TPH1: variants seen among roughly 807,000 people sequenced by gnomAD.
TPH1 encodes tryptophan hydroxylase 1.
Under a neutral mutation model 49.5 loss-of-function variants are expected in TPH1, and 37 were observed. The ratio of observed to expected loss-of-function variants is 0.75; its 90% CI spans 0.58 to 0.98. The LOEUF (loss-of-function observed/expected upper bound fraction) is 0.98. Ranked by LOEUF, TPH1 falls within the 50% of genes least tolerant of loss-of-function variation. The pLI, the probability that TPH1 is intolerant of heterozygous loss-of-function variation, is 0.00. For synonymous variants in TPH1, 160 were observed against 182.1 expected (o/e 0.88, Z 0.98); for missense variants, 487 against 523.6 (o/e 0.93, Z 0.68).
chr11:18,032,019 G>T (rs1847995487), intron 4 of TPH1, among the ~76,000 whole-genome samples: 1 of 151,848 alleles, frequency 6.6e-6, no homozygotes, highest in African/African-American at 2.4e-5. Context: ...GCAATTAATT[G>T]CAATAGTTAT....
intron 1 of TPH1, among the ~76,000 whole-genome samples, chr11:18,042,745 A>G (rs1393265286): frequency 6.6e-6 from 1 of 152,236 alleles, no homozygotes; most frequent in Non-Finnish European, 1.5e-5. Context: ...TTTCAAAAAA[A>G]GAGAAAATGT....
chr11:18,024,861 A>T (rs1847912553), intron 8 of TPH1, among the ~76,000 whole-genome samples: 1 of 152,160 alleles, frequency 6.6e-6, no homozygotes, highest in Non-Finnish European at 1.5e-5. Flanking sequence ...AGACACACCA[A>T]GCACCACCTT....
intron 3 of TPH1, among the ~76,000 whole-genome samples, chr11:18,034,129 T>C (rs765206192): frequency 6.6e-5 from 10 of 152,246 alleles, no homozygotes; most frequent in Non-Finnish European, 1.5e-4. Context: ...TGGAAACAAC[T>C]GTAGGGTGGA....
At chr11:18,028,392 C>G (rs947062744) in intron 6 of TPH1, among the ~76,000 whole-genome samples, 3 of 152,178 alleles carry the variant, frequency 2.0e-5, no homozygotes, top group Admixed American at 6.5e-5. Flanking sequence ...GAGGAACTAA[C>G]CATCTCATCA....
chr11:18,033,484 T>A (rs1266283370), intron 3 of TPH1, 110 bp from the exon 4 acceptor site: 2 of 875,744 alleles, frequency 2.3e-6, no homozygotes, highest in African/African-American at 3.4e-5. Context: ...AGAGTTTTAA[T>A]TTTAGCTTGT....
chr11:18,027,798 T>C (rs1847944678), intron 6 of TPH1, among the ~76,000 whole-genome samples: 1 of 152,258 alleles, frequency 6.6e-6, no homozygotes, highest in Admixed American at 6.5e-5. Flanking sequence ...TTCTCTATCA[T>C]CCTTAATCAC....
At chr11:18,032,805 C>G (rs1343326340) in intron 4 of TPH1, among the ~76,000 whole-genome samples, 2 of 152,012 alleles carry the variant, frequency 1.3e-5, no homozygotes, top group Non-Finnish European at 2.9e-5. Context: ...ATCGGCCTCC[C>G]AAAGTGCTGG....
At chr11:18,040,810 T>C (rs1213484417) in intron 1 of TPH1, 22 bp from the exon 2 acceptor site, 1 of 1,598,320 alleles carries the variant, frequency 6.3e-7, no homozygotes, top group Non-Finnish European at 8.5e-7. Flanking sequence ...AAACAAAGAC[T>C]ACGGGCTAAA....
In TPH1 at chr11:18,029,531, A is replaced by G. The variant is rs772766512; in HGVS notation, c.451T>C (p.Leu151=). Residue 151 remains leucine (L), a synonymous_variant, in exon 5 of 11, where the codon TTG becomes CTG. Coordinates refer to ENST00000682019, the MANE Select transcript of TPH1 (RefSeq NM_004179.3). ...ACTTACTGTTTATAGTTCATAGCCA[A>G]GTCCGCAAAATACTTTCGACGTTTA... is the stretch of plus-strand genomic sequence containing the variant. ...YRKRRKYFAD[L]AMNYKHGDPI... 5 of 1,612,970 alleles carry G rather than the reference A, an allele frequency of 3.1e-6. No homozygotes were observed. Among genetic ancestry groups the G allele is most frequent in the Non-Finnish European group, 3.4e-6 (4 of 1,179,276 alleles).
intron 4 of TPH1, among the ~76,000 whole-genome samples, chr11:18,032,302 G>C (rs539440298): frequency 2.0e-5 from 3 of 152,172 alleles, no homozygotes; most frequent in Admixed American, 1.3e-4. Flanking sequence ...GCAGTGTGGG[G>C]GGCAAGTCTT....
At chr11:18,046,124 G>C (rs943654898) in intron 1 of TPH1, among the ~76,000 whole-genome samples, 117 bp downstream of exon 1, 1 of 152,158 alleles carries the variant, frequency 6.6e-6, no homozygotes, top group Non-Finnish European at 1.5e-5. Context: ...ATCTGACTCC[G>C]CAAGACCACC....
chr11:18,035,343 A>G (rs1412896921), intron 3 of TPH1, among the ~76,000 whole-genome samples: 1 of 152,116 alleles, frequency 6.6e-6, no homozygotes, highest in Middle Eastern at 3.2e-3. Context: ...ATTTCTGATT[A>G]TGCCAAATTG....
chr11:18,038,320 C>T (rs1450513887), intron 2 of TPH1, among the ~76,000 whole-genome samples: 1 of 152,174 alleles, frequency 6.6e-6, no homozygotes, highest in Non-Finnish European at 1.5e-5. Flanking sequence ...GGTGGAGACA[C>T]ACCCAGAGAA....
intron 4 of TPH1, among the ~76,000 whole-genome samples, chr11:18,031,100 T>C (rs1847985247): frequency 6.6e-6 from 1 of 152,194 alleles, no homozygotes. Flanking sequence ...ACCATGCTCA[T>C]TAGCAATCAC....
intron 8 of TPH1, among the ~76,000 whole-genome samples, chr11:18,025,177 T>C (rs926345594): frequency 1.3e-5 from 2 of 152,226 alleles, no homozygotes; most frequent in African/African-American, 4.8e-5. Context: ...CTATCCTTTT[T>C]ATTGGAAAAT....
In TPH1 at chr11:18,021,108, C is replaced by A; in HGVS notation, c.1218G>T (p.Arg406=). 1 of 1,614,018 alleles carries A rather than the reference C, an allele frequency of 6.2e-7. No individual in the cohort carries two copies. Among genetic ancestry groups the A allele is most frequent in the African/African-American group, 1.3e-5 (1 of 75,030 alleles). Residue 406 remains arginine, a synonymous_variant, in exon 11 of 11, where the codon CGG becomes CGT. Coordinates refer to ENST00000682019, the MANE Select transcript of TPH1 (RefSeq NM_004179.3). ...PFGVKYNPYT[R]SIQILKDTKS... is the part of the protein sequence containing the mutation. ...TGGTGTCTTTCAGGATCTGAATACT[C>A]CGTGTATATGGATTATACTTCACTC...
At position 18,039,420 on chromosome 11, in the gene TPH1, T is replaced by G. The variant is rs539351606; in HGVS notation, c.117+1226A>C. 2.5e-4 allele frequency among the ~76,000 whole-genome samples: 38 copies of G among 152,340 alleles called. No homozygotes were observed. In the South Asian group the frequency reaches 7.7e-3, roughly 31 times the overall value. ...GGTAATAACTGACAGAGCAAGGATA[T>G]GAATCCAGGTGGCCTGTCTCTGGAG... On this transcript the variant is annotated intron_variant, in intron 2 of 10. Transcript: ENST00000682019.
chr11:18,023,274 T>C, intron 9 of TPH1: 1 of 247,046 alleles, frequency 4.0e-6, no homozygotes, highest in Non-Finnish European at 7.9e-6. Flanking sequence ...ATACCCACCA[T>C]CAAGTGCTCC....
At position 18,036,161 on chromosome 11, in the gene TPH1, A is replaced by C. The variant is rs747815338; in HGVS notation, c.118-19T>G. 2 of 1,600,538 alleles carry C rather than the reference A, an allele frequency of 1.2e-6. No homozygotes were observed. Among genetic ancestry groups the C allele is most frequent in the African/African-American group, 2.7e-5 (2 of 74,666 alleles). ...GCTTCTCCTGTGTAAAGCACAGGGA[A>C]AAGATTTCATGTAACTGCCTCAAAT... On this transcript the variant is annotated intron_variant, in intron 2 of 10. Transcript: ENST00000682019.
Sources: allele counts gnomAD v4.1 joint callset (sites outside exome capture counted in the v4.1 genomes callset), GRCh38; gene constraint gnomAD v4.1.1; transcripts MANE v1.5; gene names NCBI Gene and HGNC (gene_info 2026-07-23, HGNC 2026-07-21).